The following TIAM2 variants were observed in gnomAD, a reference collection of about 807,000 sequenced individuals.
TIAM2 encodes TIAM Rac1 associated GEF 2.
In TIAM2, 80 loss-of-function variants were observed where a neutral mutation model predicts 152.9. The observed-to-expected ratio is 0.52, with a 90% confidence interval of 0.44 to 0.63. The LOEUF is 0.63. TIAM2 is among the 30% of genes least tolerant of loss of function. The probability of loss-of-function intolerance (pLI) is 0.00; values close to 1 mark genes in which losing one functional copy is unlikely to be tolerated. For synonymous variants in TIAM2, 804 were observed against 838.0 expected (o/e 0.96, Z 0.70); for missense variants, 1,965 against 2,120.1 (o/e 0.93, Z 1.44).
In TIAM2 at chr6:155,123,058, A is replaced by G. The variant is rs1779209261; in HGVS notation, c.-117-4432A>G. Among the ~76,000 whole-genome samples the G allele has an allele frequency of 2.0e-5, 3 of 152,176 alleles. No individual in the cohort carries two copies. In the South Asian group the frequency reaches 6.2e-4, roughly 32 times the overall value. Reference sequence around the variant, plus strand: ...AAATCATAGCTGAAGCATGACAGAAAAATATCTGTTCAATTTGTCAAATTC... The same window carrying G: ...AAATCATAGCTGAAGCATGACAGAAGAATATCTGTTCAATTTGTCAAATTC... On this transcript the variant is annotated intron_variant, in intron 2 of 26. Coordinates refer to ENST00000682666, the MANE Select transcript of TIAM2 (RefSeq NM_012454.4).
At chr6:155,111,601 A>T (rs543613390) in intron 2 of TIAM2, among the ~76,000 whole-genome samples, 2 of 152,038 alleles carry the variant, frequency 1.3e-5, no homozygotes, top group Non-Finnish European at 2.9e-5. Flanking sequence ...TGCCTCTCAA[A>T]CGTTTCTGAA....
At position 155,213,167 on chromosome 6, in the gene TIAM2, G is replaced by A. The variant is rs1194922488; in HGVS notation, c.3168+1860G>A. Among the ~76,000 whole-genome samples the A allele has an allele frequency of 6.6e-6, 1 of 152,208 alleles. No individual in the cohort carries two copies. Among genetic ancestry groups the A allele is most frequent in the African/African-American group, 2.4e-5 (1 of 41,464 alleles). ...TTTGTGTTGTAGCTCTTTCAGCCCT[G>A]CCGTTAGGCAGGTCCCGAATTCTTG... On this transcript the variant is annotated intron_variant, in intron 15 of 26. Coordinates refer to ENST00000682666, the MANE Select transcript of TIAM2 (RefSeq NM_012454.4). The surrounding 1 kb of genome is among the most constrained non-coding windows in gnomAD (Gnocchi z 4.2).
intron 15 of TIAM2, among the ~76,000 whole-genome samples, chr6:155,235,069 TAG>T (rs1017495339): frequency 1.3e-5 from 2 of 151,942 alleles, no homozygotes; most frequent in African/African-American, 4.8e-5. Flanking sequence ...GGAGCAGAGC[TAG>T]AGAGGGGAAC....
At position 155,152,351 on chromosome 6, in the gene TIAM2, A is replaced by C. The variant is rs932135926; in HGVS notation, c.2028+4017A>C. On this transcript the variant is annotated intron_variant, in intron 7 of 26. Coordinates refer to ENST00000682666, the MANE Select transcript of TIAM2 (RefSeq NM_012454.4). ...GAGGGAGAGCTGCCCCCACGAGCCC[A>C]GCTTGCCTCCTCTCAGGCCCTGCCT... Among the ~76,000 whole-genome samples the C allele has an allele frequency of 2.0e-5, 3 of 152,234 alleles. No homozygotes were observed. In the East Asian group the frequency reaches 5.8e-4, roughly 29 times the overall value.
At chr6:155,172,797 T>C (rs760251998) in intron 9 of TIAM2, among the ~76,000 whole-genome samples, 1 of 147,418 alleles carries the variant, frequency 6.8e-6, no homozygotes, top group South Asian at 2.2e-4. Flanking sequence ...TTCTGGGTGG[T>C]TAAAAAGGTT....
At chr6:155,247,084 C>T (rs1015123428) in intron 19 of TIAM2, among the ~76,000 whole-genome samples, 28 of 152,206 alleles carry the variant, frequency 1.8e-4, no homozygotes, top group African/African-American at 6.3e-4. Context: ...GGAGCTGTGG[C>T]TCTAGGTATG....
intron 19 of TIAM2, 40 bp from the exon 20 acceptor site, chr6:155,247,960 C>T: frequency 6.3e-7 from 1 of 1,589,440 alleles, no homozygotes; most frequent in Non-Finnish European, 8.6e-7. Context: ...TAATTCACCC[C>T]ACTGTGCTCT....
intron 1 of TIAM2, among the ~76,000 whole-genome samples, chr6:155,002,436 T>A (rs957151575): frequency 6.6e-6 from 1 of 152,116 alleles, no homozygotes; most frequent in Admixed American, 6.6e-5. Context: ...TAGCATAATA[T>A]GCTTAGAACC....
intron 4 of TIAM2, among the ~76,000 whole-genome samples, chr6:155,135,312 G>A (rs1423863300): frequency 6.6e-6 from 1 of 152,128 alleles, no homozygotes; most frequent in African/African-American, 2.4e-5. Context: ...TTTCTGAAAA[G>A]GAAACCTCTC....
chr6:155,142,564 C>T (rs1051470587), intron 5 of TIAM2, among the ~76,000 whole-genome samples: 8 of 152,170 alleles, frequency 5.3e-5, no homozygotes, highest in Admixed American at 1.3e-4. Flanking sequence ...CCTCGGGCCC[C>T]GGGTCATGGC....
intron 14 of TIAM2, among the ~76,000 whole-genome samples, chr6:155,190,667 A>G (rs1385885750): frequency 6.6e-6 from 1 of 152,216 alleles, no homozygotes; most frequent in Non-Finnish European, 1.5e-5. Flanking sequence ...TCTGAAGCAC[A>G]CTGTGTGAAA....
At chr6:155,051,711 C>T (rs143031418) in intron 1 of TIAM2, among the ~76,000 whole-genome samples, 1 of 152,110 alleles carries the variant, frequency 6.6e-6, no homozygotes, top group Non-Finnish European at 1.5e-5. Context: ...ATGGCACAAC[C>T]TTGGCTCACT....
intron 1 of TIAM2, among the ~76,000 whole-genome samples, chr6:155,084,377 A>C (rs1778134172): frequency 6.6e-6 from 1 of 152,232 alleles, no homozygotes; most frequent in Admixed American, 6.5e-5. Flanking sequence ...ATAGATATTC[A>C]ACAAATACTT....
At chr6:155,207,274 C>T (rs540163736) in intron 14 of TIAM2, among the ~76,000 whole-genome samples, 2 of 152,362 alleles carry the variant, frequency 1.3e-5, no homozygotes, top group South Asian at 2.1e-4. Context: ...GTACTTTTAT[C>T]TCATGTCTCT....
At position 155,257,542 on chromosome 6, in the gene TIAM2, G is replaced by T; in HGVS notation, c.*421G>T. ...AAGCATATTTAAGTTATTTTAATGT[G>T]GTTTAGGGGCAAAATGTGCAGATAC... On this transcript the variant is annotated 3_prime_UTR_variant, in exon 27 of 27. Coordinates refer to ENST00000682666, the MANE Select transcript of TIAM2 (RefSeq NM_012454.4). 5.0e-6 allele frequency: 2 copies of T among 396,676 alleles called. No individual in the cohort carries two copies. Among genetic ancestry groups the T allele is most frequent in the Non-Finnish European group, 9.0e-6 (2 of 222,972 alleles). 24.6% of individuals were successfully genotyped at this position (396,676 alleles called of 1,614,324 possible). A position where few individuals can be genotyped will look rare whatever the true frequency, so the allele number is the denominator to read the frequency against.
intron 2 of TIAM2, among the ~76,000 whole-genome samples, chr6:155,096,323 T>G (rs920545111): frequency 8.5e-5 from 13 of 152,208 alleles, no homozygotes; most frequent in African/African-American, 3.1e-4. Flanking sequence ...GGATGCCCAT[T>G]ACCTTAAATA....
chr6:155,114,036 A>ATTTTTTTTTT (rs869241399), intron 2 of TIAM2, among the ~76,000 whole-genome samples: 12 of 34,908 alleles, frequency 3.4e-4, no homozygotes, highest in Admixed American at 6.5e-4. Context: ...ATATATATAT[A>ATTTTTTTTTT]TTTTTTTTTT....
chr6:155,070,559 G>A (rs1346385534), intron 1 of TIAM2, among the ~76,000 whole-genome samples: 6 of 152,062 alleles, frequency 3.9e-5, no homozygotes, highest in Non-Finnish European at 8.8e-5. Flanking sequence ...TACTTTGGCT[G>A]TTTGCCTTTA....
chr6:155,075,526 A>T (rs1030807106), intron 1 of TIAM2, among the ~76,000 whole-genome samples: 1 of 152,232 alleles, frequency 6.6e-6, no homozygotes, highest in Non-Finnish European at 1.5e-5. Flanking sequence ...AAAAAGAATT[A>T]GTGTGTAATA....
Sources: allele counts gnomAD v4.1 joint callset (sites outside exome capture counted in the v4.1 genomes callset), GRCh38; gene constraint gnomAD v4.1.1; non-coding constraint Gnocchi (gnomAD v3.1); transcripts MANE v1.5; gene names NCBI Gene and HGNC (gene_info 2026-07-23, HGNC 2026-07-21).